ABCF2: variants seen among roughly 807,000 people sequenced by gnomAD.
ABCF2 encodes ATP binding cassette subfamily F member 2, also known as ATP-binding cassette sub-family F member 2.
ABCF2 carries 37 observed loss-of-function variants against 76.9 expected under a neutral mutation model. That is an observed-to-expected ratio of 0.48 (90% CI 0.37 to 0.63). ABCF2 has a LOEUF of 0.63. ABCF2 is among the 30% of genes least tolerant of loss of function. The probability of loss-of-function intolerance (pLI) is 0.00; values close to 1 mark genes in which losing one functional copy is unlikely to be tolerated. For synonymous variants in ABCF2, 299 were observed against 283.7 expected (o/e 1.05, Z -0.54); for missense variants, 524 against 782.1 (o/e 0.67, Z 3.94).
intron 7 of ABCF2, 67 bp from the exon 8 acceptor site, chr7:151,219,226 A>T (rs1802217245): frequency 1.4e-6 from 2 of 1,402,082 alleles, no homozygotes; most frequent in Admixed American, 3.3e-5. Flanking sequence ...ATTCTCACTC[A>T]GAGTTTAGGG....
At chr7:151,218,536 C>A (rs769522970) in intron 10 of ABCF2, 25 bp downstream of exon 10, 1 of 1,599,582 alleles carries the variant, frequency 6.3e-7, no homozygotes. Flanking sequence ...ACACCCCAGC[C>A]ACCCATGCCC....
intron 11 of ABCF2, 31 bp downstream of exon 11, chr7:151,218,050 A>G (rs1802187303): frequency 2.0e-6 from 3 of 1,506,626 alleles, no homozygotes; most frequent in Non-Finnish European, 2.8e-6. Flanking sequence ...GCCTAATCTT[A>G]GAGGGATCCA....
intron 11 of ABCF2, among the ~76,000 whole-genome samples, chr7:151,217,084 A>G (rs1254265542): frequency 6.6e-6 from 1 of 152,216 alleles, no homozygotes; most frequent in African/African-American, 2.4e-5. Context: ...CATAAACTTT[A>G]TGAATTTTTC....
intron 9 of ABCF2, 21 bp from the exon 10 acceptor site, chr7:151,218,671 T>C: frequency 6.2e-7 from 1 of 1,613,752 alleles, no homozygotes; most frequent in Non-Finnish European, 8.5e-7. Context: ...AAGAGGGCAT[T>C]TATCAAGTTG....
rs747528028 is a variant in ABCF2, at chr7:151,223,824, G to A, written c.576C>T (p.Leu192=). The A allele has an allele frequency of 5.0e-6, 8 of 1,613,436 alleles. No homozygotes were observed. Among genetic ancestry groups the A allele is most frequent in the Non-Finnish European group, 6.8e-6 (8 of 1,179,656 alleles). The change falls in exon 5 of 15, where the codon CTC becomes CTT. Residue 192 remains leucine (L), a synonymous_variant. Transcript: ENST00000287844. The stretch of plus-strand genomic sequence containing the variant: ...CATCCAGCTCCTCCAGGCGCTCGTA[G>A]AGCTCCATGAGCTTCTCACACTCCG... ...EDAECEKLME[L]YERLEELDAD...
Position 151,221,675 on chromosome 7 carries a change from T to C in ABCF2, c.824A>G (p.Lys275Arg). 1 of 1,609,046 alleles carries C rather than the reference T, an allele frequency of 6.2e-7. No homozygotes were observed. ...VWLEEELKTFKRILVLVSHSQ... is the reference protein window; with the variant it reads ...VWLEEELKTFRRILVLVSHSQ... Reference sequence around the variant, plus strand: ...ATGGGAGACGAGGACCAAGATGCGCTTAAAACTGTAAAGCCAAAGAACCAA... The same window carrying C: ...ATGGGAGACGAGGACCAAGATGCGCCTAAAACTGTAAAGCCAAAGAACCAA... Residue 275 changes from lysine (K) to arginine (R), a missense_variant, in exon 7 of 15, where the codon AAG (lysine) becomes AGG (arginine). Around this residue, in one of 2 missense-constraint regions of ABCF2, gnomAD observed 330 missense variants for 433.6 expected, o/e 0.76. Coordinates refer to ENST00000287844, the MANE Select transcript of ABCF2 (RefSeq NM_007189.3).
intron 7 of ABCF2, among the ~76,000 whole-genome samples, chr7:151,220,298 A>C (rs1802240580): frequency 6.7e-6 from 1 of 148,340 alleles, no homozygotes; most frequent in South Asian, 2.2e-4. Flanking sequence ...CCGAGGCAGG[A>C]GAGTCCCTTG....
chr7:151,215,967 C>A lies in ABCF2; in HGVS notation c.1401G>T (p.Gln467His). The part of the protein sequence containing the change: ...HSHVKIGRYH[Q>H]HLQEQLDLDL... ...CCGGATCCCAACCCCAGGCCTGTAC[C>A]TGATGGTAACGCCCTATCTTGACAT... The change falls in exon 12 of 15, where the codon CAG becomes CAT. Residue 467 changes from glutamine to histidine, a missense_variant and splice_region_variant. Coordinates refer to ENST00000287844, the MANE Select transcript of ABCF2 (RefSeq NM_007189.3). This position sits in a 1 kb window ranked among gnomAD's most constrained non-coding sequence, Gnocchi z 4.6. 6.2e-7 allele frequency: 1 copy of A among 1,614,134 alleles called. No homozygotes were observed. Among genetic ancestry groups the A allele is most frequent in the East Asian group, 2.2e-5 (1 of 44,878 alleles).
chr7:151,211,664 G>T lies in ABCF2; in HGVS notation c.*2390C>A. 7 of 985,338 alleles carry T rather than the reference G, an allele frequency of 7.1e-6. No individual in the cohort carries two copies. Among genetic ancestry groups the T allele is most frequent in the Non-Finnish European group, 7.2e-6 (6 of 829,928 alleles). The allele number at this position is 985,338 out of a possible 1,614,324, so 61.0% of individuals were successfully genotyped here. The stretch of plus-strand genomic sequence containing the variant: ...CTACCTGAATTCTTAGCAATATCCA[G>T]CACTTCCTTAAGTATCAAGGGCTCT... On this transcript the variant is annotated 3_prime_UTR_variant, in exon 15 of 15. Coordinates refer to ENST00000287844, the MANE Select transcript of ABCF2 (RefSeq NM_007189.3).
chr7:151,223,371 G>A (rs1802309965), intron 5 of ABCF2, among the ~76,000 whole-genome samples: 1 of 152,144 alleles, frequency 6.6e-6, no homozygotes, highest in Admixed American at 6.5e-5. Flanking sequence ...TACAAAAAGG[G>A]TGGAAAGGGA....
In ABCF2 at chr7:151,214,036, C is replaced by T. The variant is rs1802101833; in HGVS notation, c.*18G>A. The T allele has an allele frequency of 1.9e-6, 3 of 1,611,674 alleles. No homozygotes were observed. The highest frequency in any genetic ancestry group is 2.5e-6 in the Non-Finnish European group (3 of 1,179,352). ...TAGTTCCCAGATGGAGCTCCTGACC[C>T]GAACCCAGGTAGAGGGCTCACACGT... On this transcript the variant is annotated 3_prime_UTR_variant, in exon 15 of 15. Coordinates refer to ENST00000287844, the MANE Select transcript of ABCF2 (RefSeq NM_007189.3). This position sits in a 1 kb window ranked among gnomAD's most constrained non-coding sequence, Gnocchi z 4.9.
Position 151,214,813 on chromosome 7 carries a change from G to A in ABCF2, c.1734+66C>T. ...GGCGGGTATTATGCACCCTCCACATGCCATGACTACCCTACCCAACCCCCT... is the reference window on the plus strand; with the variant it reads ...GGCGGGTATTATGCACCCTCCACATACCATGACTACCCTACCCAACCCCCT... On this transcript the variant is annotated intron_variant, in intron 14 of 14. Transcript: ENST00000287844. The surrounding 1 kb of genome is among the most constrained non-coding windows in gnomAD (Gnocchi z 4.9). 1.3e-6 allele frequency: 2 copies of A among 1,501,958 alleles called. No homozygotes were observed. The highest frequency in any genetic ancestry group is 1.9e-6 in the Non-Finnish European group (2 of 1,081,024). 93.0% of individuals were successfully genotyped at this position (1,501,958 alleles called of 1,614,324 possible).
At position 151,222,645 on chromosome 7, in the gene ABCF2, C is replaced by T. The variant is rs778596788; in HGVS notation, c.723-29G>A. The T allele has an allele frequency of 2.5e-6, 4 of 1,580,668 alleles. No individual in the cohort carries two copies. The South Asian group carries it at 4.5e-5, about 18-fold the overall frequency. Reference sequence around the variant, plus strand: ...AAGGACGGTAAAGGAGACAGAAGCACCTCAGAATTATAATGGATGTGACAC... The same window carrying T: ...AAGGACGGTAAAGGAGACAGAAGCATCTCAGAATTATAATGGATGTGACAC... On this transcript the variant is annotated intron_variant, in intron 5 of 14. Transcript: ENST00000287844.
At position 151,214,206 on chromosome 7, in the gene ABCF2, C is replaced by G. The variant is rs1802105537; in HGVS notation, c.1735-15G>C. ...TCCTGTGCAACCTAGAAAGCAAAAC[C>G]TGGACTTAATCCTGGGCTAGTCACT... On this transcript the variant is annotated splice_polypyrimidine_tract_variant and intron_variant, in intron 14 of 14. Coordinates refer to ENST00000287844, the MANE Select transcript of ABCF2 (RefSeq NM_007189.3). This position sits in a 1 kb window ranked among gnomAD's most constrained non-coding sequence, Gnocchi z 4.9. 6.2e-7 allele frequency: 1 copy of G among 1,614,036 alleles called. No individual in the cohort carries two copies. The highest frequency in any genetic ancestry group is 1.7e-5 in the Admixed American group (1 of 60,006).
chr7:151,224,545 T>C (rs1723889266), intron 3 of ABCF2, among the ~76,000 whole-genome samples: 3 of 152,138 alleles, frequency 2.0e-5, no homozygotes, highest in Admixed American at 2.0e-4. Flanking sequence ...ATAATGCAAA[T>C]ATTCCAAGAT....
chr7:151,220,857 G>A lies in ABCF2; in HGVS notation c.921+721C>T, dbSNP rs1802252859. On this transcript the variant is annotated intron_variant, in intron 7 of 14. Coordinates refer to ENST00000287844, the MANE Select transcript of ABCF2 (RefSeq NM_007189.3). ...ACAAAAACTAGCCAGACATGGCAGT[G>A]CATGCCTGTAGTCCCAGCTACTCAG... 3.3e-5 allele frequency among the ~76,000 whole-genome samples: 5 copies of A among 152,338 alleles called. No individual in the cohort carries two copies. In the South Asian group the frequency reaches 8.3e-4, roughly 25 times the overall value.
chr7:151,219,397 G>A (rs925520810), intron 7 of ABCF2, among the ~76,000 whole-genome samples: 1 of 152,214 alleles, frequency 6.6e-6, no homozygotes, highest in African/African-American at 2.4e-5. Flanking sequence ...AAATCCTTAG[G>A]TTAGCTAGAA....
In ABCF2 at chr7:151,224,869, A is replaced by G; in HGVS notation, c.274T>C (p.Ser92Pro). 2 of 1,614,204 alleles carry G rather than the reference A, an allele frequency of 1.2e-6. No individual in the cohort carries two copies. Among genetic ancestry groups the G allele is most frequent in the Non-Finnish European group, 8.5e-7 (1 of 1,180,032 alleles). Residue 92 changes from serine (S) to proline (P), a missense_variant, in exon 3 of 15, where the codon TCA becomes CCA. Coordinates refer to ENST00000287844, the MANE Select transcript of ABCF2 (RefSeq NM_007189.3). Reference sequence around the variant, plus strand: ...AGCTCTTGACCATGAAAGGTAAGTGAGAGGTTGATGATGTGAACATCAGTA... The same window carrying G: ...AGCTCTTGACCATGAAAGGTAAGTGGGAGGTTGATGATGTGAACATCAGTA... ...NSTDVHIINL[S>P]LTFHGQELLS... is the part of the protein sequence containing the mutation.
Position 151,214,906 on chromosome 7 carries a change from G to A in ABCF2, c.1707C>T (p.Val569=). 6.2e-7 allele frequency: 1 copy of A among 1,614,214 alleles called. No individual in the cohort carries two copies. The highest frequency in any genetic ancestry group is 8.5e-7 in the Non-Finnish European group (1 of 1,180,038). ...GCTGAATGAGTCTGAAGTCATGGCT[G>A]ACCAGCATCATACCACCCTCAAACT... The part of the protein sequence containing the change: ...INEFEGGMML[V]SHDFRLIQQV... The change falls in exon 14 of 15, where the codon GTC becomes GTT. Residue 569 remains valine, a synonymous_variant. Transcript: ENST00000287844. The surrounding 1 kb of genome is among the most constrained non-coding windows in gnomAD (Gnocchi z 4.9).
Sources: allele counts gnomAD v4.1 joint callset (sites outside exome capture counted in the v4.1 genomes callset), GRCh38; gene constraint gnomAD v4.1.1; regional missense constraint gnomAD v4.1.1; non-coding constraint Gnocchi (gnomAD v3.1); transcripts MANE v1.5; gene names NCBI Gene and HGNC (gene_info 2026-07-23, HGNC 2026-07-21).